Variants in TMC1 observed in about 807,000 individuals in gnomAD.
TMC1 encodes the protein transmembrane channel like 1, also known as transmembrane channel-like protein 1.
TMC1 carries 84 observed loss-of-function variants against 105.8 expected under a neutral mutation model. That is an observed-to-expected ratio of 0.79 (90% CI 0.67 to 0.95). TMC1 has a LOEUF of 0.95. TMC1 is among the 40% of genes least tolerant of loss of function. The pLI is 0.00. For synonymous variants in TMC1, 315 were observed against 311.5 expected (o/e 1.01, Z -0.12); for missense variants, 817 against 914.1 (o/e 0.89, Z 1.37).
At chr9:72,772,265 T>C (rs1236876875) in intron 12 of TMC1, 148 bp from the exon 13 acceptor site, 35 of 968,940 alleles carry the variant, frequency 3.6e-5, no homozygotes, top group Non-Finnish European at 5.5e-5. Context: ...AAACATTCAC[T>C]TTATGGAGCA....
intron 8 of TMC1, among the ~76,000 whole-genome samples, chr9:72,705,136 G>A (rs926764768): frequency 1.3e-5 from 2 of 152,034 alleles, no homozygotes; most frequent in Non-Finnish European, 1.5e-5. Context: ...ATAAGAGGTC[G>A]CAGCACTTAC....
chr9:72,663,824 T>C (rs1327224602), intron 5 of TMC1, among the ~76,000 whole-genome samples: 1 of 152,230 alleles, frequency 6.6e-6, no homozygotes, highest in Non-Finnish European at 1.5e-5. Context: ...ACACACTTTG[T>C]ACAACTGTAC....
chr9:72,788,352 A>G lies in TMC1; in HGVS notation c.898A>G (p.Ile300Val), dbSNP rs1244218571. Residue 300 changes from isoleucine to valine, a missense_variant, in exon 14 of 24, where the codon ATT becomes GTT. Transcript: ENST00000297784. The stretch of plus-strand genomic sequence containing the variant: ...CTGTTTTTGCAGAATGACCAAAAAC[A>G]TTGGTGATGATGGAGGTGGAGATGA... ...LVVLKAMTKN[I>V]GDDGGGDDNT... 2.2e-5 allele frequency: 36 copies of G among 1,613,904 alleles called. No individual in the cohort carries two copies. The highest frequency in any genetic ancestry group is 2.8e-5 in the Non-Finnish European group (33 of 1,179,918).
chr9:72,772,670 T>C, intron 13 of TMC1, 115 bp downstream of exon 13: 1 of 1,348,232 alleles, frequency 7.4e-7, no homozygotes, highest in East Asian at 2.3e-5. Flanking sequence ...GGAAACAGAG[T>C]CTGTAAGAGA....
chr9:72,630,757 TA>T (rs1456624632), intron 4 of TMC1, among the ~76,000 whole-genome samples: 1 of 152,060 alleles, frequency 6.6e-6, no homozygotes, highest in African/African-American at 2.4e-5. Context: ...AACTATATAC[TA>T]AAGAAAGAAA....
chr9:72,813,917 C>T (rs1385593273), intron 18 of TMC1, among the ~76,000 whole-genome samples: 1 of 152,156 alleles, frequency 6.6e-6, no homozygotes, highest in African/African-American at 2.4e-5. Flanking sequence ...TTCTGTGCAT[C>T]AGGCCAATTT....
At position 72,693,326 on chromosome 9, in the gene TMC1, G is replaced by C. The variant is rs145081347; in HGVS notation, c.65-1217G>C. ...TAACTAATAAAACAACTTGTGAGATGCTATAATCAGTTCAAAGGAACGTCC... is the reference window on the plus strand; with the variant it reads ...TAACTAATAAAACAACTTGTGAGATCCTATAATCAGTTCAAAGGAACGTCC... On this transcript the variant is annotated intron_variant, in intron 6 of 23. Coordinates refer to ENST00000297784, the MANE Select transcript of TMC1 (RefSeq NM_138691.3). Among the ~76,000 whole-genome samples, 1,103 of 152,230 alleles carry C rather than the reference G, an allele frequency of 7.2e-3. 15 individuals are homozygous for C. The highest frequency in any genetic ancestry group is 0.025 in the African/African-American group (1,027 of 41,542).
At chr9:72,622,761 G>A (rs139360547) in intron 3 of TMC1, among the ~76,000 whole-genome samples, 184 of 152,100 alleles carry the variant, frequency 1.2e-3, no homozygotes, top group Non-Finnish European at 2.3e-3. Context: ...GTTTGAAAGC[G>A]TTTTATTGGC....
chr9:72,778,688 G>A (rs1828042707), intron 13 of TMC1, among the ~76,000 whole-genome samples: 2 of 152,178 alleles, frequency 1.3e-5, no homozygotes, highest in South Asian at 2.1e-4. Flanking sequence ...CCAATACAGA[G>A]CAGGGCTGTC....
intron 1 of TMC1, among the ~76,000 whole-genome samples, chr9:72,529,913 C>T (rs954991114): frequency 1.3e-5 from 2 of 151,928 alleles, no homozygotes; most frequent in African/African-American, 2.4e-5. Context: ...GGGTTCTGCC[C>T]GAGTTCTGAG....
intron 1 of TMC1, among the ~76,000 whole-genome samples, chr9:72,550,980 G>A (rs1487564398): frequency 6.6e-6 from 1 of 152,184 alleles, no homozygotes; most frequent in African/African-American, 2.4e-5. Flanking sequence ...AATGATGGGA[G>A]TTGAGATCAG....
intron 1 of TMC1, among the ~76,000 whole-genome samples, chr9:72,527,291 G>A (rs1437521934): frequency 6.6e-6 from 1 of 152,000 alleles, no homozygotes; most frequent in African/African-American, 2.4e-5. Flanking sequence ...TGTGTAAGAC[G>A]TGACACCCTC....
intron 12 of TMC1, among the ~76,000 whole-genome samples, chr9:72,759,139 G>T (rs893552304): frequency 3.9e-5 from 6 of 152,086 alleles, no homozygotes; most frequent in African/African-American, 1.4e-4. Context: ...AGAATCTAGG[G>T]GCTTGGAGGA....
At chr9:72,684,771 T>C (rs1470205123) in intron 5 of TMC1, among the ~76,000 whole-genome samples, 4 of 152,202 alleles carry the variant, frequency 2.6e-5, no homozygotes. Context: ...CAGTCTTCCA[T>C]CTTCTTTTCC....
chr9:72,775,427 G>T (rs1827991248), intron 13 of TMC1, among the ~76,000 whole-genome samples: 1 of 152,100 alleles, frequency 6.6e-6, no homozygotes, highest in Non-Finnish European at 1.5e-5. Context: ...GTCCTCATTA[G>T]TTTGAAGTTT....
At chr9:72,668,885 A>T (rs1443693091) in intron 5 of TMC1, among the ~76,000 whole-genome samples, 1 of 152,234 alleles carries the variant, frequency 6.6e-6, no homozygotes, top group South Asian at 2.1e-4. Flanking sequence ...TGTGTGAGAT[A>T]CTTAAAGAAA....
At chr9:72,576,618 C>CTTT (rs71357588) in intron 1 of TMC1, among the ~76,000 whole-genome samples, 8 of 135,122 alleles carry the variant, frequency 5.9e-5, no homozygotes, top group East Asian at 2.2e-4. Flanking sequence ...CTCCCAATTT[C>CTTT]TTTTTTTTTT....
Position 72,648,642 on chromosome 9 carries a change from C to T in TMC1, c.-7C>T, listed in dbSNP as rs1250720358. 7 of 1,613,074 alleles carry T rather than the reference C, an allele frequency of 4.3e-6. No individual in the cohort carries two copies. In the South Asian group the frequency reaches 7.7e-5, roughly 18 times the overall value. The stretch of plus-strand genomic sequence containing the variant: ...CCACTGAGACCTTCTGACAGGACAC[C>T]CCCAGGATGTCACCCAAAAAAGGTA... On this transcript the variant is annotated 5_prime_UTR_variant, in exon 5 of 24. Coordinates refer to ENST00000297784, the MANE Select transcript of TMC1 (RefSeq NM_138691.3).
chr9:72,813,419 A>C (rs1388990863), intron 18 of TMC1, among the ~76,000 whole-genome samples: 3 of 152,174 alleles, frequency 2.0e-5, no homozygotes, highest in African/African-American at 7.2e-5. Flanking sequence ...TTCCATTTCT[A>C]AGGTGTTTAC....
Sources: gnomAD v4.1 joint callset for allele counts (sites outside exome capture counted in the v4.1 genomes callset) on GRCh38, gnomAD v4.1.1 for gene constraint, MANE v1.5 for transcripts, NCBI Gene and HGNC (gene_info 2026-07-23, HGNC 2026-07-21) for gene names.